The following SEC61G variants were observed in gnomAD, a reference collection of about 807,000 sequenced individuals.
SEC61G encodes the protein protein transport protein Sec61 subunit gamma.
SEC61G carries 4 observed loss-of-function variants against 7.5 expected under a neutral mutation model. The ratio of observed to expected loss-of-function variants is 0.54; its 90% CI spans 0.26 to 1.22. SEC61G has a LOEUF of 1.22. Among genes scored for constraint, SEC61G ranks in the 50% most tolerant of loss-of-function variants. The pLI, the probability that SEC61G is intolerant of heterozygous loss-of-function variation, is 0.12. For synonymous variants in SEC61G, 24 were observed against 24.4 expected (o/e 0.98, Z 0.05); for missense variants, 53 against 84.6 (o/e 0.63, Z 1.46).
intron 1 of SEC61G, among the ~76,000 whole-genome samples, chr7:54,758,779 G>A (rs527570151): frequency 1.2e-4 from 18 of 152,326 alleles, no homozygotes; most frequent in East Asian, 7.7e-4. Context: ...AGCGGCGGCA[G>A]GACCAGAGCT....
At chr7:54,756,556 T>C (rs1791518040) in intron 2 of SEC61G, among the ~76,000 whole-genome samples, 1 of 152,176 alleles carries the variant, frequency 6.6e-6, no homozygotes, top group African/African-American at 2.4e-5. Flanking sequence ...CTCAGGAGGC[T>C]GAGGCAGAAT....
rs1383234789 is a variant in SEC61G, at chr7:54,754,810, T to C, written c.197+969A>G. 2.0e-5 allele frequency: 3 copies of C among 152,192 alleles called. No homozygotes were observed. In the East Asian group the frequency reaches 5.8e-4, roughly 29 times the overall value. The allele number at this position is 152,192 out of a possible 1,614,324, so 9.4% of individuals were successfully genotyped here. On this transcript the variant is annotated intron_variant, in intron 3 of 3. Coordinates refer to ENST00000352861, the MANE Select transcript of SEC61G (RefSeq NM_014302.4). ...GGAAGTTCTCAATGAATGTTAATTA[T>C]TATTGCCACCATCACCATCAGAAAA...
At position 54,757,513 on chromosome 7, in the gene SEC61G, T is replaced by G; in HGVS notation, c.76A>C (p.Thr26Pro). The G allele has an allele frequency of 6.2e-7, 1 of 1,613,906 alleles. No homozygotes were observed. The part of the protein sequence containing the change: ...KDSIRLVKRC[T>P]KPDRKEFQKI... ...CAATTACCTTTTCTATCAGGTTTAGTGCATCTTTTAACCAGCCGAATGGAG... is the reference window on the plus strand; with the variant it reads ...CAATTACCTTTTCTATCAGGTTTAGGGCATCTTTTAACCAGCCGAATGGAG... The change falls in exon 2 of 4, where the codon ACT (threonine) becomes CCT (proline). Residue 26 changes from threonine (T) to proline (P), a missense_variant. Thr to Pro is a conservative substitution (Grantham distance 38). Coordinates refer to ENST00000352861, the MANE Select transcript of SEC61G (RefSeq NM_014302.4).
intron 1 of SEC61G, among the ~76,000 whole-genome samples, chr7:54,757,837 CAAAG>C (rs930928114): frequency 6.6e-6 from 1 of 152,148 alleles, no homozygotes; most frequent in African/African-American, 2.4e-5. Context: ...TCTTCACTGA[CAAAG>C]AACAGCACAC....
chr7:54,756,877 G>A (rs1484361734), intron 2 of SEC61G, among the ~76,000 whole-genome samples: 1 of 149,874 alleles, frequency 6.7e-6, no homozygotes, highest in East Asian at 1.9e-4. Flanking sequence ...TAAGCTCCAT[G>A]ACAGCAAGGA....
rs540265202 is a variant in SEC61G, at chr7:54,755,954, A to T, written c.95-73T>A. The T allele has an allele frequency of 1.1e-4, 81 of 729,972 alleles. 1 individual carries two copies. The South Asian group carries it at 1.5e-3, about 14-fold the overall frequency. The allele number at this position is 729,972 out of a possible 1,614,324, so 45.2% of individuals were successfully genotyped here. A position where few individuals can be genotyped will look rare whatever the true frequency, so the allele number is the denominator to read the frequency against. The stretch of plus-strand genomic sequence containing the variant: ...AAGTATGGGAAAAAAACTATCAGCA[A>T]CATAAATGAACTTAACTAGTATACA... On this transcript the variant is annotated intron_variant, in intron 2 of 3. Coordinates refer to ENST00000352861, the MANE Select transcript of SEC61G (RefSeq NM_014302.4).
At chr7:54,755,625 A>T (rs945022896) in intron 3 of SEC61G, 154 bp downstream of exon 3, 1 of 432,766 alleles carries the variant, frequency 2.3e-6, no homozygotes. Context: ...AAGATCTAAA[A>T]GCCCTCAATT....
At chr7:54,759,105 G>T in intron 1 of SEC61G, 53 bp downstream of exon 1, 3 of 495,330 alleles carry the variant, frequency 6.1e-6, no homozygotes, top group South Asian at 4.3e-5. Context: ...CCCAAGAGTC[G>T]CAAAGGTGTG....
At chr7:54,759,094 C>T (rs1184772166) in intron 1 of SEC61G, 64 bp downstream of exon 1, 1 of 479,014 alleles carries the variant, frequency 2.1e-6, no homozygotes, top group South Asian at 1.5e-5. Flanking sequence ...CGCCCGCTGC[C>T]CCCAAGAGTC....
chr7:54,758,274 C>A (rs1008128637), intron 1 of SEC61G, among the ~76,000 whole-genome samples: 1 of 152,176 alleles, frequency 6.6e-6, no homozygotes, highest in Non-Finnish European at 1.5e-5. Flanking sequence ...CATACAGGTT[C>A]TTTTGAGGAA....
chr7:54,759,013 G>A (rs1204819948), intron 1 of SEC61G, 145 bp downstream of exon 1: 1 of 349,494 alleles, frequency 2.9e-6, no homozygotes, highest in Non-Finnish European at 5.8e-6. Context: ...GCCAGACCCC[G>A]GCCCTGAGCC....
intron 3 of SEC61G, 39 bp downstream of exon 3, chr7:54,755,740 T>C (rs781448883): frequency 8.5e-7 from 1 of 1,182,166 alleles, no homozygotes; most frequent in Non-Finnish European, 1.2e-6. Context: ...TGGTTTTGAG[T>C]TTCATTCAAT....
intron 3 of SEC61G, 81 bp from the exon 4 acceptor site, chr7:54,752,501 T>A: frequency 1.1e-6 from 1 of 871,828 alleles, no homozygotes; most frequent in East Asian, 2.8e-5. Context: ...CAATATGCTA[T>A]AACTTTAACG....
intron 3 of SEC61G, among the ~76,000 whole-genome samples, chr7:54,753,251 C>A (rs1309846302): frequency 6.6e-6 from 1 of 152,062 alleles, no homozygotes; most frequent in Non-Finnish European, 1.5e-5. Flanking sequence ...TAAGATTGCA[C>A]CACTGCACTC....
chr7:54,756,095 A>G (rs1392476701), intron 2 of SEC61G, among the ~76,000 whole-genome samples: 1 of 152,228 alleles, frequency 6.6e-6, no homozygotes, highest in Non-Finnish European at 1.5e-5. Flanking sequence ...AAGGAAACAA[A>G]TAATAATGCA....
chr7:54,752,566 G>A (rs1237267379), intron 3 of SEC61G, 146 bp from the exon 4 acceptor site: 2 of 503,820 alleles, frequency 4.0e-6, no homozygotes, highest in Non-Finnish European at 7.0e-6. Flanking sequence ...TGGCATAAAA[G>A]AATGGCACAA....
At chr7:54,753,481 A>C (rs187045827) in intron 3 of SEC61G, among the ~76,000 whole-genome samples, 1 of 152,328 alleles carries the variant, frequency 6.6e-6, no homozygotes, top group East Asian at 1.9e-4. Context: ...AAAAAATCTT[A>C]AGAAAAAACT....
intron 2 of SEC61G, among the ~76,000 whole-genome samples, chr7:54,756,965 CTATATA>C (rs996306173): frequency 7.1e-6 from 1 of 139,946 alleles, no homozygotes; most frequent in Non-Finnish European, 1.6e-5. Context: ...ATACTATATA[CTATATA>C]TACTATATAC....
At position 54,752,304 on chromosome 7, in the gene SEC61G, A is replaced by G; in HGVS notation, c.*107T>C. 1 of 684,376 alleles carries G rather than the reference A, an allele frequency of 1.5e-6. No individual in the cohort carries two copies. Among genetic ancestry groups the G allele is most frequent in the East Asian group, 2.8e-5 (1 of 35,760 alleles). 42.4% of individuals were successfully genotyped at this position (684,376 alleles called of 1,614,324 possible). A position where few individuals can be genotyped will look rare whatever the true frequency, so the allele number is the denominator to read the frequency against. ...AAATAGAAAACATCTTGAAAGGAAA[A>G]AAAAAAACCCACAAAACATACAGGC... On this transcript the variant is annotated 3_prime_UTR_variant, in exon 4 of 4. Transcript: ENST00000352861.
Sources: allele counts gnomAD v4.1 joint callset (sites outside exome capture counted in the v4.1 genomes callset), GRCh38; gene constraint gnomAD v4.1.1; transcripts MANE v1.5; gene names NCBI Gene and HGNC (gene_info 2026-07-23, HGNC 2026-07-21).